Variants in RIN3 observed in about 807,000 individuals in gnomAD.
The protein encoded by RIN3 is Ras and Rab interactor 3, also known as RAB5 interacting protein 3.
RIN3 carries 54 observed loss-of-function variants against 76.3 expected under a neutral mutation model. That is an observed-to-expected ratio of 0.71 (90% CI 0.57 to 0.89). The LOEUF is 0.89. RIN3 is among the 40% of genes least tolerant of loss of function. The probability of loss-of-function intolerance (pLI) is 0.00; values close to 1 mark genes in which losing one functional copy is unlikely to be tolerated. For synonymous variants in RIN3, 576 were observed against 564.0 expected, an observed-to-expected ratio of 1.02 and a Z score of -0.30; for missense variants, 1,256 against 1,322.1, an observed-to-expected ratio of 0.95 and a Z score of 0.78.
intron 2 of RIN3, among the ~76,000 whole-genome samples, chr14:92,561,109 TTA>T (rs1376733993): frequency 9.0e-6 from 1 of 111,492 alleles, no homozygotes; most frequent in Admixed American, 1.2e-4. Context: ...TATGCCATAT[TTA>T]TATATATTTA....
intron 7 of RIN3, among the ~76,000 whole-genome samples, chr14:92,659,875 A>G (rs2140151463): frequency 6.6e-6 from 1 of 152,304 alleles, no homozygotes; most frequent in Admixed American, 6.5e-5. Flanking sequence ...CTCCCTCTAA[A>G]GACACCAGGG....
intron 1 of RIN3, among the ~76,000 whole-genome samples, chr14:92,522,224 A>G (rs574921367): frequency 2.9e-4 from 44 of 152,224 alleles, no homozygotes; most frequent in African/African-American, 9.4e-4. Context: ...GTCAATCTCT[A>G]TAGCCCACTG....
chr14:92,518,853 A>G (rs560014661), intron 1 of RIN3, among the ~76,000 whole-genome samples: 88 of 143,780 alleles, frequency 6.1e-4, no homozygotes, highest in Admixed American at 1.2e-3. Context: ...CATGGCTGCC[A>G]ACGTGTCTTT....
At position 92,610,088 on chromosome 14, in the gene RIN3, G is replaced by C. The variant is rs187361281; in HGVS notation, c.368-5319G>C. Among the ~76,000 whole-genome samples the C allele has an allele frequency of 9.3e-4, 141 of 152,124 alleles. No homozygotes were observed. The Middle Eastern group carries it at 0.027, about 29-fold the overall frequency. ...TTCAGCAATTTAAAGTATACAATTC[G>C]ATGGCTTTTAGTGTATCACAGAGTT... On this transcript the variant is annotated intron_variant, in intron 3 of 9. Transcript: ENST00000216487.
At chr14:92,582,863 C>G (rs1400333965) in intron 3 of RIN3, among the ~76,000 whole-genome samples, 1 of 152,166 alleles carries the variant, frequency 6.6e-6, no homozygotes, top group African/African-American at 2.4e-5. Flanking sequence ...TGTTTCTTTG[C>G]CGAGTTAATG....
At chr14:92,627,449 C>T (rs901203961) in intron 4 of RIN3, among the ~76,000 whole-genome samples, 3 of 152,224 alleles carry the variant, frequency 2.0e-5, no homozygotes, top group Non-Finnish European at 4.4e-5. Flanking sequence ...GACCCACTCA[C>T]CCCGGACAGC....
rs74321366 is a variant in RIN3, at chr14:92,618,053, G to A, written c.440+2574G>A. Among the ~76,000 whole-genome samples, 1,352 of 152,246 alleles carry A rather than the reference G, an allele frequency of 8.9e-3. 29 individuals carry two copies. Among genetic ancestry groups the A allele is most frequent in the African/African-American group, 0.031 (1,306 of 41,532 alleles). On this transcript the variant is annotated intron_variant, in intron 4 of 9. Transcript: ENST00000216487. ...GTTAAGAGAAATGAACCAATGTTTC[G>A]TTTCTGACTGATTGTGAGGCAGCCA... is the stretch of plus-strand genomic sequence containing the variant.
chr14:92,632,672 G>A (rs1340463362), intron 4 of RIN3, among the ~76,000 whole-genome samples: 3 of 152,306 alleles, frequency 2.0e-5, no homozygotes, highest in Non-Finnish European at 2.9e-5. Flanking sequence ...TACCAGGCCC[G>A]TGGCTGGGAG....
chr14:92,589,421 C>T (rs1595438894), intron 3 of RIN3, among the ~76,000 whole-genome samples: 1 of 152,176 alleles, frequency 6.6e-6, no homozygotes, highest in East Asian at 1.9e-4. Flanking sequence ...CATTGTCCAG[C>T]AGAGGGCAGA....
In RIN3 at chr14:92,681,876, TCTTA is replaced by T. The variant is rs1177702914; in HGVS notation, c.2468-3110_2468-3107del. On this transcript the variant is annotated intron_variant, in intron 8 of 9. Transcript: ENST00000216487. The surrounding 1 kb of genome is among the most constrained non-coding windows in gnomAD (Gnocchi z 4.7). Reference sequence around the variant, plus strand: ...TAATTTAGTTTTTTCAAAAAATGTCTCTTATTTATTTTTATTTTTTTTTAATTTG... The same window carrying T: ...TAATTTAGTTTTTTCAAAAAATGTCTTTTATTTTTATTTTTTTTTAATTTG... Among the ~76,000 whole-genome samples, 1 of 151,866 alleles carries T rather than the reference TCTTA, an allele frequency of 6.6e-6. No homozygotes were observed. Among genetic ancestry groups the T allele is most frequent in the Non-Finnish European group, 1.5e-5 (1 of 68,010 alleles).
intron 3 of RIN3, among the ~76,000 whole-genome samples, chr14:92,581,665 C>G (rs1884546724): frequency 6.6e-6 from 1 of 152,204 alleles, no homozygotes. Context: ...CAGTGACACC[C>G]CACACCCCTG....
At chr14:92,665,233 T>C (rs1365434141) in intron 7 of RIN3, among the ~76,000 whole-genome samples, 3 of 152,216 alleles carry the variant, frequency 2.0e-5, no homozygotes, top group Non-Finnish European at 4.4e-5. Flanking sequence ...TTTGTGTATC[T>C]GAACATATCT....
chr14:92,571,185 C>T (rs1322698030), intron 2 of RIN3, among the ~76,000 whole-genome samples: 1 of 152,202 alleles, frequency 6.6e-6, no homozygotes, highest in Admixed American at 6.5e-5. Flanking sequence ...TTTTACTGTC[C>T]ATAAATCTTC....
rs1555383857 is a variant in RIN3, at chr14:92,561,044, A to AATATATATATATAT, written c.249+5101_249+5102insATATATATATATAT. On this transcript the variant is annotated intron_variant, in intron 2 of 9. Coordinates refer to ENST00000216487, the MANE Select transcript of RIN3 (RefSeq NM_024832.5). Reference sequence around the variant, plus strand: ...CTAAAAAAAAAAAAAAAAAAAAAAAAATATATATATATCTGCCATATATAT... The same window carrying AATATATATATATAT: ...CTAAAAAAAAAAAAAAAAAAAAAAAAATATATATATATATATATATATATATCTGCCATATATAT... 5.9e-3 allele frequency among the ~76,000 whole-genome samples: 144 copies of AATATATATATATAT among 24,394 alleles called. 8 individuals are homozygous for AATATATATATATAT. The highest frequency in any genetic ancestry group is 0.015 in the African/African-American group (116 of 7,730). 16.0% of individuals were successfully genotyped at this position (24,394 alleles called of 152,430 possible).
At chr14:92,531,888 A>G (rs1238718451) in intron 1 of RIN3, among the ~76,000 whole-genome samples, 1 of 146,356 alleles carries the variant, frequency 6.8e-6, no homozygotes, top group Admixed American at 6.8e-5. Flanking sequence ...CCCTCCCCCC[A>G]GTAAGCCCAT....
At chr14:92,661,077 C>T (rs57407935) in intron 7 of RIN3, among the ~76,000 whole-genome samples, 2 of 152,114 alleles carry the variant, frequency 1.3e-5, no homozygotes, top group Non-Finnish European at 2.9e-5. Flanking sequence ...CCTGAGGAAG[C>T]TGCTTTACAG....
Position 92,623,849 on chromosome 14 carries a change from C to A in RIN3, c.440+8370C>A, listed in dbSNP as rs1886263287. 6.6e-6 allele frequency among the ~76,000 whole-genome samples: 1 copy of A among 152,252 alleles called. No homozygotes were observed. The highest frequency in any genetic ancestry group is 6.5e-5 in the Admixed American group (1 of 15,280). On this transcript the variant is annotated intron_variant, in intron 4 of 9. Coordinates refer to ENST00000216487, the MANE Select transcript of RIN3 (RefSeq NM_024832.5). The surrounding 1 kb of genome is among the most constrained non-coding windows in gnomAD (Gnocchi z 4.9). ...CAAATTTTTTCCCTGTCGTGAGAGA[C>A]AGGAAGTAAACTTGGCATCTGGAGA...
rs1455231674 is a variant in RIN3, at chr14:92,688,060, G to A, written c.2766G>A (p.Arg922=). 1 of 1,603,150 alleles carries A rather than the reference G, an allele frequency of 6.2e-7. No homozygotes were observed. ...CGGTGGAGCGGCCGCAGGCGCACCGGCTGTTCGTGCTGGTGGACGGGCGCT... is the reference window on the plus strand; with the variant it reads ...CGGTGGAGCGGCCGCAGGCGCACCGACTGTTCGTGCTGGTGGACGGGCGCT... ...KFAVERPQAH[R]LFVLVDGRCF... The change falls in exon 10 of 10, where the codon CGG becomes CGA. Residue 922 remains arginine, a synonymous_variant. Transcript: ENST00000216487.
rs1444995371 is a variant in RIN3 at position 92,514,338 on chromosome 14, T to C, written c.44+362T>C. ...CCTGGCGTCTGCCCCGCCTGAACTT[T>C]GCAAACAAAACTCGCGGTCCCAGCC... On this transcript the variant is annotated intron_variant, in intron 1 of 9. Coordinates refer to ENST00000216487, the MANE Select transcript of RIN3 (RefSeq NM_024832.5). The surrounding 1 kb of genome is among the most constrained non-coding windows in gnomAD (Gnocchi z 7.2). 6.6e-6 allele frequency among the ~76,000 whole-genome samples: 1 copy of C among 152,192 alleles called. No homozygotes were observed. The highest frequency in any genetic ancestry group is 1.5e-5 in the Non-Finnish European group (1 of 68,028).
Sources: gnomAD v4.1 joint callset for allele counts (sites outside exome capture counted in the v4.1 genomes callset) on GRCh38, gnomAD v4.1.1 for gene constraint, Gnocchi (gnomAD v3.1) non-coding constraint, MANE v1.5 for transcripts, NCBI Gene and HGNC (gene_info 2026-07-23, HGNC 2026-07-21) for gene names.